Variants in SLC4A4 observed in about 807,000 individuals in gnomAD.
SLC4A4 encodes solute carrier family 4 member 4.
Under a neutral mutation model 111.5 loss-of-function variants are expected in SLC4A4, and 27 were observed. That is an observed-to-expected ratio of 0.24 (90% confidence interval 0.18 to 0.33). The LOEUF (loss-of-function observed/expected upper bound fraction) is 0.33, where lower values mean the gene tolerates loss of function less well. Among genes scored for constraint, SLC4A4 ranks in the 10% least tolerant of loss-of-function variants. The probability of loss-of-function intolerance (pLI) is 1.00; values close to 1 mark genes in which losing one functional copy is unlikely to be tolerated. For synonymous variants in SLC4A4, 443 were observed against 463.4 expected (o/e 0.96, Z 0.57); for missense variants, 909 against 1,315.5 (o/e 0.69, Z 4.78).
intron 1 of SLC4A4, among the ~76,000 whole-genome samples, chr4:71,074,039 GA>G (rs554593584): frequency 1.1e-4 from 16 of 147,506 alleles, no homozygotes; most frequent in South Asian, 2.1e-4. Flanking sequence ...TCAAGAAAAA[GA>G]AAAAAAAAAT....
intron 1 of SLC4A4, among the ~76,000 whole-genome samples, chr4:71,066,769 G>A (rs1741527197): frequency 6.6e-6 from 1 of 152,184 alleles, no homozygotes; most frequent in African/African-American, 2.4e-5. Context: ...TATTGCTGAT[G>A]GGGCAGCCTG....
intron 2 of SLC4A4, 72 bp downstream of exon 2, chr4:71,236,721 T>G (rs1719841335): frequency 6.5e-6 from 8 of 1,222,906 alleles, no homozygotes; most frequent in Non-Finnish European, 9.6e-6. Flanking sequence ...ATTCATGCAT[T>G]TCATATATCT....
intron 6 of SLC4A4, among the ~76,000 whole-genome samples, chr4:71,383,159 A>G (rs761708368): frequency 2.0e-5 from 3 of 152,274 alleles, no homozygotes; most frequent in Middle Eastern, 3.4e-3. Flanking sequence ...AGGAAAGTAT[A>G]TATTGCCTTC....
At position 71,371,519 on chromosome 4, in the gene SLC4A4, C is replaced by T. The variant is rs183809595; in HGVS notation, c.730+14332C>T. Among the ~76,000 whole-genome samples the T allele has an allele frequency of 1.8e-4, 28 of 152,150 alleles. No individual in the cohort carries two copies. The East Asian group carries it at 5.2e-3, about 28-fold the overall frequency. On this transcript the variant is annotated intron_variant, in intron 6 of 25. Coordinates refer to ENST00000264485, the MANE Select transcript of SLC4A4 (RefSeq NM_001098484.3). The stretch of plus-strand genomic sequence containing the variant: ...TCGGCCTCCCAAAGCTCTGGGATTA[C>T]AGATGTAAGCCACCACACATGGCCC...
intron 3 of SLC4A4, among the ~76,000 whole-genome samples, chr4:71,303,899 C>G (rs1725475274): frequency 1.3e-5 from 2 of 152,078 alleles, no homozygotes; most frequent in Admixed American, 6.6e-5. Flanking sequence ...GATTCAGTTT[C>G]ATCAACATCT....
intron 3 of SLC4A4, among the ~76,000 whole-genome samples, chr4:71,265,329 T>C (rs1263371481): frequency 6.6e-6 from 1 of 152,056 alleles, no homozygotes; most frequent in Admixed American, 6.6e-5. Flanking sequence ...ATCAGGGCAA[T>C]GTATAAGAAG....
intron 6 of SLC4A4, among the ~76,000 whole-genome samples, chr4:71,388,667 G>C (rs2148963784): frequency 6.6e-6 from 1 of 152,182 alleles, no homozygotes; most frequent in East Asian, 1.9e-4. Flanking sequence ...CCGCCCCACT[G>C]CCTCTCTAGT....
chr4:71,330,289 G>C (rs1329967076), intron 3 of SLC4A4, among the ~76,000 whole-genome samples: 1 of 151,956 alleles, frequency 6.6e-6, no homozygotes, highest in Non-Finnish European at 1.5e-5. Context: ...ATTTGCCTTT[G>C]GTTTTGGTAT....
intron 7 of SLC4A4, among the ~76,000 whole-genome samples, chr4:71,407,191 C>A (rs1430240272): frequency 6.6e-6 from 1 of 151,964 alleles, no homozygotes; most frequent in Non-Finnish European, 1.5e-5. Context: ...GTCTTTGAGG[C>A]AAACATCATG....
intron 15 of SLC4A4, among the ~76,000 whole-genome samples, chr4:71,492,682 T>C (rs1035447284): frequency 1.3e-5 from 2 of 151,996 alleles, no homozygotes; most frequent in Non-Finnish European, 2.9e-5. Flanking sequence ...CTTTACTTCT[T>C]TTTTGCTGCC....
chr4:71,335,622 G>A (rs1482244883), intron 3 of SLC4A4, among the ~76,000 whole-genome samples: 4 of 152,212 alleles, frequency 2.6e-5, no homozygotes, highest in African/African-American at 9.6e-5. Context: ...TTGGGAGATC[G>A]AGACCATCCT....
intron 6 of SLC4A4, among the ~76,000 whole-genome samples, chr4:71,376,158 C>T (rs201488641): frequency 6.7e-4 from 72 of 107,664 alleles, no homozygotes; most frequent in Middle Eastern, 5.0e-3. Flanking sequence ...TGTATATATA[C>T]ACACACACAC....
chr4:71,494,332 G>C (rs1201333262), intron 15 of SLC4A4, among the ~76,000 whole-genome samples: 2 of 151,996 alleles, frequency 1.3e-5, no homozygotes, highest in African/African-American at 4.8e-5. Context: ...GTTTTCTTCA[G>C]AGACAGGATT....
At chr4:71,503,813 A>G (rs1368985840) in intron 16 of SLC4A4, among the ~76,000 whole-genome samples, 1 of 152,172 alleles carries the variant, frequency 6.6e-6, no homozygotes. Context: ...AATAAATATC[A>G]TCCTTTTGTT....
At chr4:71,567,602 A>C (rs1737602159) in intron 25 of SLC4A4, among the ~76,000 whole-genome samples, 186 bp from the exon 26 acceptor site, 1 of 151,524 alleles carries the variant, frequency 6.6e-6, no homozygotes, top group Non-Finnish European at 1.5e-5. Flanking sequence ...TTTTTACTTG[A>C]ATTTCTTGAC....
At chr4:71,151,122 T>A (rs1744302293) in intron 2 of SLC4A4, among the ~76,000 whole-genome samples, 1 of 152,224 alleles carries the variant, frequency 6.6e-6, no homozygotes, top group Non-Finnish European at 1.5e-5. Context: ...AATTCAAATA[T>A]TAAATTGCCA....
At chr4:71,321,417 C>G (rs1307753312) in intron 3 of SLC4A4, among the ~76,000 whole-genome samples, 1 of 151,980 alleles carries the variant, frequency 6.6e-6, no homozygotes, top group African/African-American at 2.4e-5. Context: ...CTCAAGCAGT[C>G]GAACTCAGTT....
intron 7 of SLC4A4, among the ~76,000 whole-genome samples, chr4:71,439,435 C>CAAAAAAAAAAAAAAAAAAAAAAAA (rs56283596): frequency 2.9e-5 from 1 of 34,182 alleles, no homozygotes; most frequent in Admixed American, 5.2e-4. Flanking sequence ...GACTCTGTCT[C>CAAAAAAAAAAAAAAAAAAAAAAAA]AAAAAAAAAA....
intron 6 of SLC4A4, among the ~76,000 whole-genome samples, chr4:71,371,579 A>G (rs1371303807): frequency 2.0e-5 from 3 of 152,108 alleles, no homozygotes; most frequent in Non-Finnish European, 2.9e-5. Context: ...ATCCAAAACT[A>G]TTCAGTAGGA....
Sources: gnomAD v4.1 joint callset for allele counts (sites outside exome capture counted in the v4.1 genomes callset) on GRCh38, gnomAD v4.1.1 for gene constraint, MANE v1.5 for transcripts, NCBI Gene and HGNC (gene_info 2026-07-23, HGNC 2026-07-21) for gene names.